Variants in GNB1 observed in about 807,000 individuals in gnomAD.
GNB1 encodes G protein subunit beta 1, also known as guanine nucleotide-binding protein G(I)/G(S)/G(T) subunit beta-1.
In GNB1, 2 loss-of-function variants were observed where a neutral mutation model predicts 42.9. The observed-to-expected ratio is 0.05, with a 90% CI of 0.02 to 0.15. The LOEUF is 0.15. GNB1 is among the 10% of genes least tolerant of loss of function. The pLI is 1.00. For missense variants in GNB1, 193 were observed against 462.2 expected, an observed-to-expected ratio of 0.42 and a Z score of 5.34; for synonymous variants, 183 against 174.7, an observed-to-expected ratio of 1.05 and a Z score of -0.38.
chr1:1,808,444 G>A (rs1274379218), intron 5 of GNB1, among the ~76,000 whole-genome samples: 1 of 152,174 alleles, frequency 6.6e-6, no homozygotes, highest in Admixed American at 6.5e-5. Flanking sequence ...CAAGTAAGGT[G>A]GGTGAAAGGT....
intron 5 of GNB1, among the ~76,000 whole-genome samples, chr1:1,809,670 T>C (rs1462434095): frequency 6.6e-6 from 1 of 152,096 alleles, no homozygotes; most frequent in African/African-American, 2.4e-5. Context: ...TCAGAGAGCT[T>C]AATAACTGCT....
chr1:1,861,891 T>C (rs1274171942), intron 1 of GNB1, among the ~76,000 whole-genome samples: 2 of 152,100 alleles, frequency 1.3e-5, no homozygotes, highest in East Asian at 3.9e-4. Flanking sequence ...ACAGGATAAC[T>C]GGCCTGTACT....
intron 1 of GNB1, among the ~76,000 whole-genome samples, chr1:1,883,967 CTT>C (rs1186881007): frequency 3.2e-4 from 44 of 136,210 alleles, no homozygotes; most frequent in Admixed American, 3.7e-4. Flanking sequence ...AGTGTCCGGA[CTT>C]TTTTTTTTTT....
At chr1:1,860,251 G>A (rs976781953) in intron 1 of GNB1, among the ~76,000 whole-genome samples, 3 of 152,016 alleles carry the variant, frequency 2.0e-5, no homozygotes, top group African/African-American at 7.2e-5. Context: ...CATAAAGATG[G>A]CAAAAATAGA....
intron 1 of GNB1, among the ~76,000 whole-genome samples, chr1:1,863,969 C>G (rs1332098080): frequency 1.3e-5 from 2 of 152,066 alleles, no homozygotes; most frequent in African/African-American, 4.8e-5. Context: ...AAGGCCAAGG[C>G]GGGTGGATCC....
intron 1 of GNB1, among the ~76,000 whole-genome samples, chr1:1,843,479 G>A (rs1193039416): frequency 1.3e-5 from 2 of 152,044 alleles, no homozygotes; most frequent in East Asian, 1.9e-4. Flanking sequence ...CTTGCAGGTC[G>A]GCCTTCCACG....
chr1:1,875,954 A>G (rs1238512473), intron 1 of GNB1, among the ~76,000 whole-genome samples: 1 of 152,134 alleles, frequency 6.6e-6, no homozygotes, highest in Non-Finnish European at 1.5e-5. Context: ...GGGTGGCCCT[A>G]ATCTAATAAC....
intron 1 of GNB1, among the ~76,000 whole-genome samples, chr1:1,890,087 G>A (rs534149049): frequency 6.6e-6 from 1 of 152,186 alleles, no homozygotes; most frequent in South Asian, 2.1e-4. Context: ...TCGCGGGGCC[G>A]GGCCGGGGTC....
At position 1,786,911 on chromosome 1, in the gene GNB1, T is replaced by C. The variant is rs2100444889; in HGVS notation, c.*152A>G. 6.5e-6 allele frequency: 1 copy of C among 153,364 alleles called. No individual in the cohort carries two copies. Among genetic ancestry groups the C allele is most frequent in the East Asian group, 1.9e-4 (1 of 5,208 alleles). 9.5% of individuals were successfully genotyped at this position (153,364 alleles called of 1,614,324 possible). On this transcript the variant is annotated 3_prime_UTR_variant, in exon 12 of 12. Transcript: ENST00000378609. ...GGAATTGTGCTCTTGGTTTCAGCAA[T>C]AAGTGAAGGAAAAAAGATCTTGCCC...
intron 1 of GNB1, among the ~76,000 whole-genome samples, chr1:1,867,208 A>G (rs1258110203): frequency 6.6e-6 from 1 of 152,220 alleles, no homozygotes; most frequent in Non-Finnish European, 1.5e-5. Context: ...CAGAGGTTGC[A>G]GTGAGCCGAG....
intron 1 of GNB1, among the ~76,000 whole-genome samples, chr1:1,888,929 T>C (rs902409633): frequency 6.6e-6 from 1 of 152,170 alleles, no homozygotes; most frequent in Non-Finnish European, 1.5e-5. Context: ...CCTGTCTCCA[T>C]GTCAGTGGCA....
intron 7 of GNB1, among the ~76,000 whole-genome samples, chr1:1,800,753 T>TAAAAA (rs943269814): frequency 1.2e-4 from 14 of 115,302 alleles, no homozygotes; most frequent in South Asian, 2.7e-4. Context: ...TTTAGATTGT[T>TAAAAA]AAAAAAAAAA....
chr1:1,818,306 A>T (rs997856619), intron 3 of GNB1: 1 of 25,338 alleles, frequency 3.9e-5, no homozygotes, highest in African/African-American at 7.4e-5. Flanking sequence ...AAGGTCTATT[A>T]AAAAAAAAAA....
intron 2 of GNB1, among the ~76,000 whole-genome samples, chr1:1,835,694 T>C (rs1031391019): frequency 2.0e-5 from 3 of 152,104 alleles, no homozygotes; most frequent in Non-Finnish European, 4.4e-5. Flanking sequence ...CAAGTCTTTA[T>C]GAGAACATCT....
At chr1:1,889,487 G>A (rs1189923250) in intron 1 of GNB1, among the ~76,000 whole-genome samples, 1 of 152,074 alleles carries the variant, frequency 6.6e-6, no homozygotes, top group Admixed American at 6.5e-5. Context: ...TTTTCCTTCA[G>A]GAGCCCATTT....
rs1646411090 is a variant in GNB1 at position 1,786,657 on chromosome 1, A to G, written c.*406T>C. On this transcript the variant is annotated 3_prime_UTR_variant, in exon 12 of 12. Coordinates refer to ENST00000378609, the MANE Select transcript of GNB1 (RefSeq NM_002074.5). ...TGACCAGATGAACAAAGCCCTCAGC[A>G]TGTTTTGCATGAATGCCACAAAACA... 6.6e-6 allele frequency: 1 copy of G among 152,298 alleles called. No homozygotes were observed. Among genetic ancestry groups the G allele is most frequent in the South Asian group, 2.1e-4 (1 of 4,836 alleles). The allele number at this position is 152,298 out of a possible 1,614,324, so 9.4% of individuals were successfully genotyped here.
intron 1 of GNB1, among the ~76,000 whole-genome samples, chr1:1,888,382 A>AAG (rs541274416): frequency 4.7e-4 from 71 of 149,810 alleles, no homozygotes; most frequent in East Asian, 9.8e-4. Context: ...AAAAAAAAAA[A>AAG]GGCGGGCGGG....
At chr1:1,826,318 G>T (rs764864507) in intron 2 of GNB1, among the ~76,000 whole-genome samples, 4 of 152,214 alleles carry the variant, frequency 2.6e-5, no homozygotes, top group Non-Finnish European at 4.4e-5. Context: ...TTGGGAGGCT[G>T]AGGTAGAAGA....
intron 5 of GNB1, among the ~76,000 whole-genome samples, chr1:1,812,929 C>A (rs1441095115): frequency 3.3e-5 from 5 of 150,802 alleles, no homozygotes. Flanking sequence ...TCCAGACTAC[C>A]CAGTCCAGAG....
Sources: gnomAD v4.1 joint callset for allele counts (sites outside exome capture counted in the v4.1 genomes callset) on GRCh38, gnomAD v4.1.1 for gene constraint, MANE v1.5 for transcripts, NCBI Gene and HGNC (gene_info 2026-07-23, HGNC 2026-07-21) for gene names.